Variants in MAP3K20 observed in about 807,000 individuals in gnomAD.
MAP3K20 encodes HCCS-4.
In MAP3K20, 40 loss-of-function variants were observed where a neutral mutation model predicts 85.7. The ratio of observed to expected loss-of-function variants is 0.47; its 90% CI spans 0.36 to 0.61. MAP3K20 has a LOEUF of 0.61. Among genes scored for constraint, MAP3K20 ranks in the 20% least tolerant of loss-of-function variants. The probability of loss-of-function intolerance (pLI) is 0.00; values close to 1 mark genes in which losing one functional copy is unlikely to be tolerated. For synonymous variants in MAP3K20, 325 were observed against 327.7 expected (o/e 0.99, Z 0.09); for missense variants, 817 against 961.7 (o/e 0.85, Z 1.99).
chr2:173,081,718 G>A (rs75541807), intron 1 of MAP3K20, among the ~76,000 whole-genome samples: 5,415 of 152,198 alleles, frequency 0.036, 135 homozygotes, highest in African/African-American at 0.059. Context: ...TGGCCAAATC[G>A]TTTCCTTTAT....
In MAP3K20 at chr2:173,149,723, C is replaced by T. The variant is rs571038582; in HGVS notation, c.160-20082C>T. ...GGAAGAATGCACTGCTTTCTGCCTA[C>T]GTCATCTCCGCGCATCCTCCCCACA... On this transcript the variant is annotated intron_variant, in intron 2 of 19. Transcript: ENST00000375213. 3.3e-5 allele frequency among the ~76,000 whole-genome samples: 5 copies of T among 152,236 alleles called. No homozygotes were observed. The East Asian group carries it at 7.7e-4, about 24-fold the overall frequency.
intron 3 of MAP3K20, among the ~76,000 whole-genome samples, chr2:173,171,716 C>T (rs1690005139): frequency 6.6e-6 from 1 of 152,184 alleles, no homozygotes. Flanking sequence ...CTTGCACCTA[C>T]CCAAATTCTT....
intron 2 of MAP3K20, among the ~76,000 whole-genome samples, chr2:173,137,201 A>T (rs1441648929): frequency 6.6e-6 from 1 of 152,200 alleles, no homozygotes; most frequent in Non-Finnish European, 1.5e-5. Flanking sequence ...AAAATGGTTA[A>T]ATGTCACAAT....
intron 16 of MAP3K20, among the ~76,000 whole-genome samples, chr2:173,244,256 T>A (rs1055235083): frequency 6.6e-6 from 1 of 151,948 alleles, no homozygotes; most frequent in Non-Finnish European, 1.5e-5. Flanking sequence ...GTGCTAAAAG[T>A]ATAAAGAAGT....
intron 10 of MAP3K20, among the ~76,000 whole-genome samples, chr2:173,213,129 T>C (rs1382284029): frequency 2.6e-5 from 4 of 152,180 alleles, no homozygotes; most frequent in African/African-American, 9.6e-5. Context: ...AATGGGATTA[T>C]AGAGAGTGTT....
At chr2:173,220,537 T>C (rs923641216) in intron 11 of MAP3K20, among the ~76,000 whole-genome samples, 3 of 152,196 alleles carry the variant, frequency 2.0e-5, no homozygotes, top group African/African-American at 7.2e-5. Context: ...TTTGAATAAA[T>C]AGTATTACAT....
chr2:173,111,636 A>G (rs1446505709), intron 2 of MAP3K20, among the ~76,000 whole-genome samples: 1 of 152,150 alleles, frequency 6.6e-6, no homozygotes, highest in Non-Finnish European at 1.5e-5. Flanking sequence ...TCATTCTCCT[A>G]CATGTGGCTA....
chr2:173,209,662 T>C, intron 9 of MAP3K20, 67 bp from the exon 10 acceptor site: 1 of 1,339,452 alleles, frequency 7.5e-7, no homozygotes, highest in Non-Finnish European at 1.0e-6. Context: ...TTGTAGTATC[T>C]ACGTTTTCTC....
intron 2 of MAP3K20, among the ~76,000 whole-genome samples, chr2:173,153,617 C>A (rs1689370590): frequency 6.6e-6 from 1 of 152,148 alleles, no homozygotes; most frequent in Non-Finnish European, 1.5e-5. Flanking sequence ...GATTCTTTTA[C>A]CTCTGTAGGC....
intron 11 of MAP3K20, 92 bp downstream of exon 11, chr2:173,217,342 G>T: frequency 7.5e-7 from 1 of 1,324,672 alleles, no homozygotes; most frequent in Admixed American, 3.0e-5. Context: ...CCTGCCTCCC[G>T]CCGCCCCCTC....
intron 11 of MAP3K20, chr2:173,224,185 T>C: frequency 1.1e-6 from 1 of 941,908 alleles, no homozygotes; most frequent in Non-Finnish European, 1.3e-6. Flanking sequence ...GTGTTGAGGT[T>C]TTTAAAGTGT....
intron 3 of MAP3K20, among the ~76,000 whole-genome samples, chr2:173,181,819 AG>A (rs1249379576): frequency 4.6e-5 from 7 of 151,722 alleles, no homozygotes; most frequent in Non-Finnish European, 2.9e-5. Context: ...AGGCTGAGAC[AG>A]GTGGGATTGC....
intron 4 of MAP3K20, among the ~76,000 whole-genome samples, chr2:173,186,348 T>C (rs1472567645): frequency 6.6e-6 from 1 of 152,122 alleles, no homozygotes; most frequent in African/African-American, 2.4e-5. Flanking sequence ...AACTATTGAA[T>C]TTTTGCAGTT....
chr2:173,258,148 T>C (rs1685201502), intron 16 of MAP3K20, among the ~76,000 whole-genome samples: 1 of 152,100 alleles, frequency 6.6e-6, no homozygotes, highest in Non-Finnish European at 1.5e-5. Flanking sequence ...ACCCCATAAC[T>C]CCCTAGTTGT....
chr2:173,191,288 T>C (rs1192978312), intron 7 of MAP3K20, 111 bp downstream of exon 7: 1 of 1,429,966 alleles, frequency 7.0e-7, no homozygotes, highest in Admixed American at 2.3e-5. Flanking sequence ...ACTGTACTGC[T>C]GGTGGAATGC....
At chr2:173,106,763 G>C (rs1436557633) in intron 2 of MAP3K20, among the ~76,000 whole-genome samples, 1 of 152,110 alleles carries the variant, frequency 6.6e-6, no homozygotes, top group East Asian at 1.9e-4. Flanking sequence ...ACACTCATAA[G>C]GTATAGGAAC....
At chr2:173,120,851 G>A (rs538515521) in intron 2 of MAP3K20, among the ~76,000 whole-genome samples, 1 of 151,970 alleles carries the variant, frequency 6.6e-6, no homozygotes, top group African/African-American at 2.4e-5. Flanking sequence ...GGGACTACAG[G>A]TGCGTGCCAC....
chr2:173,224,650 T>G, intron 11 of MAP3K20: 2 of 985,420 alleles, frequency 2.0e-6, no homozygotes, highest in Non-Finnish European at 2.4e-6. Flanking sequence ...GTTCTCCTCG[T>G]AGAACTGGAC....
At chr2:173,256,510 T>TAGACAGAC (rs1388571788) in intron 16 of MAP3K20, among the ~76,000 whole-genome samples, 18 of 130,224 alleles carry the variant, frequency 1.4e-4, no homozygotes, top group South Asian at 1.0e-3. Context: ...GATAGATAGA[T>TAGACAGAC]AGATAGATAG....
Sources: gnomAD v4.1 joint callset for allele counts (sites outside exome capture counted in the v4.1 genomes callset) on GRCh38, gnomAD v4.1.1 for gene constraint, MANE v1.5 for transcripts, NCBI Gene and HGNC (gene_info 2026-07-23, HGNC 2026-07-21) for gene names.